TRPM7: variants seen among roughly 807,000 people sequenced by gnomAD.
TRPM7 encodes LTRPC ion channel family member 7.
Under a neutral mutation model 229.7 loss-of-function variants are expected in TRPM7, and 134 were observed. The observed-to-expected ratio is 0.58, with a 90% CI of 0.51 to 0.67. The LOEUF is 0.67. Ranked by LOEUF, TRPM7 falls within the 30% of genes least tolerant of loss-of-function variation. TRPM7 has a pLI of 0.00. For missense variants in TRPM7, 1,901 were observed against 2,210.0 expected (o/e 0.86, Z 2.80); for synonymous variants, 699 against 715.2 (o/e 0.98, Z 0.36).
Position 50,558,528 on chromosome 15 carries a change from A to T in TRPM7, c.*3150T>A, listed in dbSNP as rs1401932881. On this transcript the variant is annotated 3_prime_UTR_variant, in exon 39 of 39. Coordinates refer to ENST00000646667, the MANE Select transcript of TRPM7 (RefSeq NM_017672.6). ...GCCAACAAGGTGAAACCTTGTCTCT[A>T]CGAAAAATACAAAAATCAGCCAGGC... The T allele has an allele frequency of 1.3e-5, 2 of 152,064 alleles. No individual in the cohort carries two copies. Among genetic ancestry groups the T allele is most frequent in the East Asian group, 3.9e-4 (2 of 5,174 alleles). 9.4% of individuals were successfully genotyped at this position (152,064 alleles called of 1,614,324 possible). A position where few individuals can be genotyped will look rare whatever the true frequency, so the allele number is the denominator to read the frequency against.
intron 21 of TRPM7, chr15:50,604,599 G>C (rs938091867): frequency 2.1e-5 from 5 of 232,832 alleles, no homozygotes; most frequent in Non-Finnish European, 4.1e-5. Context: ...AAAAAGCCTG[G>C]ATCAGTGAAG....
intron 6 of TRPM7, among the ~76,000 whole-genome samples, chr15:50,637,996 T>C (rs544004160): frequency 6.6e-5 from 10 of 151,750 alleles, no homozygotes; most frequent in Non-Finnish European, 1.5e-4. Context: ...GCGAGTGGAT[T>C]ACCTGAGGTC....
At chr15:50,637,273 T>C (rs1258060429) in intron 7 of TRPM7, 149 bp downstream of exon 7, 1 of 660,450 alleles carries the variant, frequency 1.5e-6, no homozygotes, top group Non-Finnish European at 2.3e-6. Context: ...TCTTATCATT[T>C]TGTCTAAGAT....
chr15:50,660,978 CTTTT>C (rs763937583), intron 2 of TRPM7, among the ~76,000 whole-genome samples: 1 of 142,676 alleles, frequency 7.0e-6, no homozygotes, highest in Admixed American at 7.1e-5. Flanking sequence ...ACTACCATTC[CTTTT>C]TTTTTTTTTT....
chr15:50,606,374 G>A (rs758054523), intron 20 of TRPM7, among the ~76,000 whole-genome samples: 3 of 145,640 alleles, frequency 2.1e-5, no homozygotes, highest in African/African-American at 5.7e-5. Context: ...GGGAGACTAC[G>A]TCTCAAAACA....
chr15:50,591,155 A>G (rs1052463742), intron 26 of TRPM7, among the ~76,000 whole-genome samples: 9 of 152,342 alleles, frequency 5.9e-5, no homozygotes, highest in East Asian at 3.9e-4. Flanking sequence ...TAGGTACACC[A>G]TAAGTACTAA....
intron 10 of TRPM7, among the ~76,000 whole-genome samples, chr15:50,629,012 T>C (rs774137215): frequency 1.4e-4 from 22 of 152,210 alleles, no homozygotes; most frequent in Non-Finnish European, 2.6e-4. Flanking sequence ...TTATATATAC[T>C]TAGGTAAACC....
intron 5 of TRPM7, among the ~76,000 whole-genome samples, chr15:50,642,337 C>T (rs1426915470): frequency 6.6e-6 from 1 of 152,186 alleles, no homozygotes; most frequent in Non-Finnish European, 1.5e-5. Flanking sequence ...CACAACTATT[C>T]ACCTCTGCTG....
intron 3 of TRPM7, 67 bp from the exon 4 acceptor site, chr15:50,648,952 A>C: frequency 7.8e-7 from 1 of 1,282,778 alleles, no homozygotes; most frequent in Non-Finnish European, 1.1e-6. Flanking sequence ...ATGGAATTAA[A>C]AGTGAATGAA....
intron 28 of TRPM7, among the ~76,000 whole-genome samples, chr15:50,583,583 T>TTTG (rs1555404725): frequency 1.3e-5 from 2 of 150,938 alleles, no homozygotes; most frequent in Non-Finnish European, 1.5e-5. Context: ...GAGTTTTGTT[T>TTTG]TTTTTTTTTT....
rs1159417858 is a variant in TRPM7 at position 50,557,773 on chromosome 15, A to G, written c.*3905T>C. On this transcript the variant is annotated 3_prime_UTR_variant, in exon 39 of 39. Transcript: ENST00000646667. ...ATTCTCCTGCCTCAGCCTCCTGAGT[A>G]GCTGGGCCTACAGGCACGCGCCACC... 1 of 152,272 alleles carries G rather than the reference A, an allele frequency of 6.6e-6. No homozygotes were observed. The allele number at this position is 152,272 out of a possible 1,614,324, so 9.4% of individuals were successfully genotyped here.
intron 3 of TRPM7, 146 bp from the exon 4 acceptor site, chr15:50,649,031 A>G (rs1467595314): frequency 8.8e-5 from 45 of 514,182 alleles, no homozygotes; most frequent in Non-Finnish European, 3.3e-6. Context: ...TGATTTTAGG[A>G]TATCTATATA....
At chr15:50,624,073 AG>A (rs1367449445) in intron 12 of TRPM7, 92 bp downstream of exon 12, 2 of 1,277,240 alleles carry the variant, frequency 1.6e-6, no homozygotes, top group Non-Finnish European at 2.1e-6. Flanking sequence ...GAAGACATTA[AG>A]GGTTTTATCA....
At chr15:50,576,790 T>C (rs1026726866) in intron 31 of TRPM7, among the ~76,000 whole-genome samples, 3 of 152,050 alleles carry the variant, frequency 2.0e-5, no homozygotes, top group Non-Finnish European at 1.5e-5. Flanking sequence ...GAGGTGAAGC[T>C]ACAGAAACAG....
intron 1 of TRPM7, among the ~76,000 whole-genome samples, chr15:50,667,518 C>T (rs2061911293): frequency 6.6e-6 from 1 of 152,138 alleles, no homozygotes; most frequent in Admixed American, 6.6e-5. Context: ...ACCAGCCTGG[C>T]CGACATGTAA....
At chr15:50,577,930 A>G (rs1479182839) in intron 31 of TRPM7, among the ~76,000 whole-genome samples, 1 of 152,282 alleles carries the variant, frequency 6.6e-6, no homozygotes, top group East Asian at 1.9e-4. Context: ...TTTTATAACA[A>G]TATGTTAAGA....
intron 2 of TRPM7, among the ~76,000 whole-genome samples, chr15:50,659,315 A>G (rs553863469): frequency 2.6e-5 from 4 of 152,302 alleles, no homozygotes; most frequent in Admixed American, 6.5e-5. Context: ...TACAAAGACT[A>G]TATCTAACTT....
intron 21 of TRPM7, among the ~76,000 whole-genome samples, chr15:50,603,700 T>C (rs2059842484): frequency 6.6e-6 from 1 of 152,196 alleles, no homozygotes. Flanking sequence ...ATTTTCTTAA[T>C]CCAGTCTATC....
chr15:50,657,251 G>A (rs1449646853), intron 3 of TRPM7, among the ~76,000 whole-genome samples: 1 of 152,188 alleles, frequency 6.6e-6, no homozygotes, highest in African/African-American at 2.4e-5. Flanking sequence ...TTGAACCCAT[G>A]AGACAGAGGT....
Sources: gnomAD v4.1 joint callset for allele counts (sites outside exome capture counted in the v4.1 genomes callset) on GRCh38, gnomAD v4.1.1 for gene constraint, MANE v1.5 for transcripts, NCBI Gene and HGNC (gene_info 2026-07-23, HGNC 2026-07-21) for gene names.